The following SYNPO2 variants were observed in gnomAD, a reference collection of about 807,000 sequenced individuals.
The protein encoded by SYNPO2 is synaptopodin 2, also known as synaptopodin-2.
Under a neutral mutation model 85.0 loss-of-function variants are expected in SYNPO2, and 56 were observed. The ratio of observed to expected loss-of-function variants is 0.66; its 90% CI spans 0.53 to 0.82. SYNPO2 has a LOEUF of 0.82. Among genes scored for constraint, SYNPO2 ranks in the 40% least tolerant of loss-of-function variants. SYNPO2 has a pLI of 0.00. For synonymous variants in SYNPO2, 602 were observed against 591.1 expected, an observed-to-expected ratio of 1.02 and a Z score of -0.27; for missense variants, 1,575 against 1,534.2, an observed-to-expected ratio of 1.03 and a Z score of -0.44.
At chr4:118,953,513 T>C (rs1328412411) in intron 1 of SYNPO2, among the ~76,000 whole-genome samples, 4 of 152,124 alleles carry the variant, frequency 2.6e-5, no homozygotes, top group Non-Finnish European at 5.9e-5. Flanking sequence ...TGGTATAGGG[T>C]TCTCAGAAAT....
intron 1 of SYNPO2, among the ~76,000 whole-genome samples, chr4:118,864,692 A>G (rs1731671746): frequency 6.6e-6 from 1 of 152,196 alleles, no homozygotes; most frequent in African/African-American, 2.4e-5. Context: ...TTATCATTAT[A>G]TAGTGATCTT....
At chr4:119,027,508 G>C in intron 3 of SYNPO2, 70 bp downstream of exon 3, 6 of 1,357,590 alleles carry the variant, frequency 4.4e-6, no homozygotes, top group Non-Finnish European at 5.9e-6. Context: ...TTGCTTGCAT[G>C]AGTTTTTCAG....
At position 118,980,509 on chromosome 4, in the gene SYNPO2, C is replaced by A. The variant is rs182596814; in HGVS notation, c.106-42921C>A. Among the ~76,000 whole-genome samples the A allele has an allele frequency of 2.1e-3, 316 of 152,282 alleles. 1 individual carries two copies. Among genetic ancestry groups the A allele is most frequent in the African/African-American group, 7.3e-3 (303 of 41,556 alleles). Reference sequence around the variant, plus strand: ...GCCTTGTTACTTCTTTCTTTTCCCCCCTTCCCCAGCACACACCCACACATG... The same window carrying A: ...GCCTTGTTACTTCTTTCTTTTCCCCACTTCCCCAGCACACACCCACACATG... On this transcript the variant is annotated intron_variant, in intron 1 of 4. Transcript: ENST00000307142.
Position 118,925,460 on chromosome 4 carries a change from T to C in SYNPO2, c.105+36319T>C, listed in dbSNP as rs79731091. Among the ~76,000 whole-genome samples, 667 of 152,228 alleles carry C rather than the reference T, an allele frequency of 4.4e-3. 2 individuals carry two copies. The highest frequency in any genetic ancestry group is 0.015 in the African/African-American group (640 of 41,538). On this transcript the variant is annotated intron_variant, in intron 1 of 4. Transcript: ENST00000307142. ...GCATGTTTTTCTAGTCATAGTTTAT[T>C]ATCGTCACCTATGTCTCAGGCTGTC...
chr4:118,914,634 G>A (rs929689948), intron 1 of SYNPO2, among the ~76,000 whole-genome samples: 1 of 152,040 alleles, frequency 6.6e-6, no homozygotes, highest in Admixed American at 6.6e-5. Flanking sequence ...AGGGATGGAA[G>A]CCACATAATA....
chr4:119,040,123 A>G (rs1238058235), intron 4 of SYNPO2, among the ~76,000 whole-genome samples: 1 of 152,244 alleles, frequency 6.6e-6, no homozygotes. Flanking sequence ...TATATAAAAC[A>G]CTGCCTGGCA....
At chr4:119,047,057 T>A (rs1395282417) in intron 4 of SYNPO2, among the ~76,000 whole-genome samples, 1 of 140,380 alleles carries the variant, frequency 7.1e-6, no homozygotes, top group Admixed American at 7.1e-5. Flanking sequence ...AACTATTTAT[T>A]TTGTTTATTT....
At chr4:119,021,241 A>G (rs1737709396) in intron 1 of SYNPO2, among the ~76,000 whole-genome samples, 1 of 152,198 alleles carries the variant, frequency 6.6e-6, no homozygotes, top group Non-Finnish European at 1.5e-5. Flanking sequence ...TGCTTTCAAG[A>G]GTATCATTTA....
intron 1 of SYNPO2, among the ~76,000 whole-genome samples, chr4:118,996,647 G>A (rs1736606501): frequency 6.6e-6 from 1 of 151,918 alleles, no homozygotes; most frequent in Non-Finnish European, 1.5e-5. Context: ...CATGAGGTCA[G>A]GAGATTGAGA....
At chr4:118,982,497 A>T (rs1736066598) in intron 1 of SYNPO2, among the ~76,000 whole-genome samples, 1 of 152,120 alleles carries the variant, frequency 6.6e-6, no homozygotes, top group South Asian at 2.1e-4. Context: ...GAGAGAAAAT[A>T]AAAGAGGGGG....
chr4:119,052,592 A>G (rs1578679309), intron 4 of SYNPO2, among the ~76,000 whole-genome samples: 2 of 152,314 alleles, frequency 1.3e-5, no homozygotes, highest in Admixed American at 1.3e-4. Flanking sequence ...AGGCAGAGTT[A>G]GCGACCTGAG....
intron 1 of SYNPO2, among the ~76,000 whole-genome samples, chr4:119,007,232 A>G (rs1403509210): frequency 4.0e-4 from 20 of 49,624 alleles, no homozygotes; most frequent in African/African-American, 1.5e-3. Flanking sequence ...ATATATATAT[A>G]TATATATATA....
chr4:118,976,786 C>G (rs372620305), intron 1 of SYNPO2, among the ~76,000 whole-genome samples: 1 of 151,504 alleles, frequency 6.6e-6, no homozygotes, highest in Non-Finnish European at 1.5e-5. Flanking sequence ...TACAGAATGC[C>G]GATTGGTGTA....
At chr4:118,946,081 G>T (rs58527730) in intron 1 of SYNPO2, among the ~76,000 whole-genome samples, 4,917 of 152,064 alleles carry the variant, frequency 0.032, 141 homozygotes, top group East Asian at 0.14. Flanking sequence ...AAAATACCTG[G>T]AAAAAGCAAG....
chr4:119,045,159 A>G (rs1738836604), intron 4 of SYNPO2, among the ~76,000 whole-genome samples: 1 of 152,240 alleles, frequency 6.6e-6, no homozygotes, highest in South Asian at 2.1e-4. Flanking sequence ...CTTAAGGGCT[A>G]TTAGCTCCAC....
Position 119,026,737 on chromosome 4 carries a change from C to A in SYNPO2, c.368C>A (p.Ala123Asp). 6.2e-7 allele frequency: 1 copy of A among 1,614,154 alleles called. No individual in the cohort carries two copies. The highest frequency in any genetic ancestry group is 8.5e-7 in the Non-Finnish European group (1 of 1,180,026). Residue 123 changes from alanine to aspartate, a missense_variant, in exon 3 of 5, where the codon GCC becomes GAC. Physicochemically the swap from Ala to Asp is moderately radical, Grantham distance 126. This residue lies in a region of SYNPO2 where 1,508 missense variants were observed against 1,446.8 expected (regional missense o/e 1.04). Coordinates refer to ENST00000307142, the MANE Select transcript of SYNPO2 (RefSeq NM_133477.3). ...VESTTLQIRP[A>D]TKTQCTEFFL... The stretch of plus-strand genomic sequence containing the variant: ...AGTACCACCCTGCAGATTCGACCGG[C>A]CACAAAGACCCAGTGCACAGAATTC...
At chr4:118,999,176 C>A (rs1320829620) in intron 1 of SYNPO2, among the ~76,000 whole-genome samples, 1 of 152,142 alleles carries the variant, frequency 6.6e-6, no homozygotes, top group Non-Finnish European at 1.5e-5. Flanking sequence ...GAGACAGGGT[C>A]TCACTCTGTC....
chr4:118,881,450 T>G (rs1360018648), intron 1 of SYNPO2, among the ~76,000 whole-genome samples: 1 of 152,132 alleles, frequency 6.6e-6, no homozygotes, highest in Non-Finnish European at 1.5e-5. Context: ...GATCTCAGAT[T>G]TCCAGACCCC....
At chr4:119,025,551 G>A (rs17263826) in intron 2 of SYNPO2, among the ~76,000 whole-genome samples, 51 of 152,106 alleles carry the variant, frequency 3.4e-4, no homozygotes, top group Admixed American at 5.9e-4. Flanking sequence ...AGCATTGGTC[G>A]GAAATTGCAC....
Sources: allele counts gnomAD v4.1 joint callset (sites outside exome capture counted in the v4.1 genomes callset), GRCh38; gene constraint gnomAD v4.1.1; regional missense constraint gnomAD v4.1.1; transcripts MANE v1.5; gene names NCBI Gene and HGNC (gene_info 2026-07-23, HGNC 2026-07-21).